The following DGKI variants were observed in gnomAD, a reference collection of about 807,000 sequenced individuals.
DGKI encodes the protein diacylglycerol kinase iota.
A neutral mutation model predicts 147.5 loss-of-function variants in DGKI; 55 were observed. The ratio of observed to expected loss-of-function variants is 0.37; its 90% CI spans 0.30 to 0.47. The LOEUF (loss-of-function observed/expected upper bound fraction) is 0.47, where lower values mean the gene tolerates loss of function less well. Ranked by LOEUF, DGKI falls within the 20% of genes least tolerant of loss-of-function variation. The pLI, the probability that DGKI is intolerant of heterozygous loss-of-function variation, is 1.00. For missense variants in DGKI, 1,007 were observed against 1,323.8 expected, an observed-to-expected ratio of 0.76 and a Z score of 3.71; for synonymous variants, 469 against 477.1, an observed-to-expected ratio of 0.98 and a Z score of 0.22.
intron 21 of DGKI, among the ~76,000 whole-genome samples, chr7:137,521,006 T>C (rs547890413): frequency 6.6e-6 from 1 of 152,194 alleles, no homozygotes; most frequent in Non-Finnish European, 1.5e-5. Context: ...GTCATTTCTT[T>C]ATATCAGCAT....
chr7:137,502,439 C>A (rs1816208586), intron 21 of DGKI, among the ~76,000 whole-genome samples: 1 of 149,228 alleles, frequency 6.7e-6, no homozygotes, highest in Admixed American at 6.7e-5. Flanking sequence ...TATGGATGAA[C>A]ATGAAAATGA....
At chr7:137,540,546 A>T (rs548161546) in intron 20 of DGKI, among the ~76,000 whole-genome samples, 1 of 152,010 alleles carries the variant, frequency 6.6e-6, no homozygotes, top group Non-Finnish European at 1.5e-5. Context: ...TTAGCTAGGC[A>T]TGGTACCATG....
chr7:137,770,825 G>A lies in DGKI; in HGVS notation c.401+75637C>T, dbSNP rs192776525. ...TGGGATTACAGGCGTGAGCCACCGCGCCCGGCCCTCAGTGGGTTTTAATAA... is the reference window on the plus strand; with the variant it reads ...TGGGATTACAGGCGTGAGCCACCGCACCCGGCCCTCAGTGGGTTTTAATAA... On this transcript the variant is annotated intron_variant, in intron 1 of 32. Coordinates refer to ENST00000614521, the MANE Select transcript of DGKI (RefSeq NM_001321708.2). Among the ~76,000 whole-genome samples the A allele has an allele frequency of 1.4e-4, 7 of 48,706 alleles. 2 individuals carry two copies. Among genetic ancestry groups the A allele is most frequent in the Admixed American group, 5.7e-4 (4 of 7,040 alleles). 32.0% of individuals were successfully genotyped at this position (48,706 alleles called of 152,430 possible).
At chr7:137,478,684 C>T (rs1815263899) in intron 23 of DGKI, among the ~76,000 whole-genome samples, 1 of 151,996 alleles carries the variant, frequency 6.6e-6, no homozygotes, top group South Asian at 2.1e-4. Flanking sequence ...GCAATGTGGA[C>T]CGTGAATTAG....
intron 2 of DGKI, among the ~76,000 whole-genome samples, chr7:137,682,104 A>G (rs1414492823): frequency 6.6e-6 from 1 of 152,186 alleles, no homozygotes; most frequent in Non-Finnish European, 1.5e-5. Flanking sequence ...GCTTTCAGGG[A>G]GTTCTATGAG....
intron 28 of DGKI, among the ~76,000 whole-genome samples, chr7:137,442,297 A>G (rs1211315892): frequency 6.6e-6 from 1 of 152,134 alleles, no homozygotes; most frequent in Admixed American, 6.6e-5. Context: ...GTCAGTAGTC[A>G]CCCTTTAGGA....
chr7:137,834,057 A>G (rs551067681), intron 1 of DGKI, among the ~76,000 whole-genome samples: 36 of 152,374 alleles, frequency 2.4e-4, no homozygotes, highest in African/African-American at 8.7e-4. Context: ...AGCTATGGAT[A>G]GTAAAAGCAT....
At chr7:137,549,752 AAACTCC>A (rs1373403958) in intron 20 of DGKI, among the ~76,000 whole-genome samples, 1 of 152,268 alleles carries the variant, frequency 6.6e-6, no homozygotes, top group East Asian at 1.9e-4. Context: ...CTTGAACTTG[AAACTCC>A]ACTTGGAAAT....
At chr7:137,647,576 G>T (rs1821873389) in intron 5 of DGKI, among the ~76,000 whole-genome samples, 2 of 152,186 alleles carry the variant, frequency 1.3e-5, no homozygotes, top group Non-Finnish European at 2.9e-5. Context: ...GGGTCCTGTG[G>T]CTGGCTGTGG....
intron 1 of DGKI, among the ~76,000 whole-genome samples, chr7:137,694,137 C>T (rs1423363987): frequency 4.6e-5 from 7 of 151,914 alleles, no homozygotes; most frequent in South Asian, 2.1e-4. Flanking sequence ...CTGGCTAACA[C>T]GGTGAAACCC....
intron 3 of DGKI, among the ~76,000 whole-genome samples, chr7:137,676,455 T>A (rs1027940476): frequency 2.0e-5 from 3 of 152,168 alleles, no homozygotes; most frequent in African/African-American, 7.2e-5. Context: ...TTTCTATGTA[T>A]CATCTCACCA....
At chr7:137,625,213 A>G (rs1325766018) in intron 6 of DGKI, among the ~76,000 whole-genome samples, 3 of 152,018 alleles carry the variant, frequency 2.0e-5, no homozygotes, top group Non-Finnish European at 2.9e-5. Flanking sequence ...TAATCCCAGC[A>G]CTTTGGGAGG....
In DGKI at chr7:137,382,406, A is replaced by T. The variant is rs1221987773; in HGVS notation, c.*8814T>A. ...GTGGACAGGCATAATGTATTATAAGAGGTTGGACAAACTCCTTCCAAAAAC... is the reference window on the plus strand; with the variant it reads ...GTGGACAGGCATAATGTATTATAAGTGGTTGGACAAACTCCTTCCAAAAAC... On this transcript the variant is annotated 3_prime_UTR_variant, in exon 33 of 33. Coordinates refer to ENST00000614521, the MANE Select transcript of DGKI (RefSeq NM_001321708.2). 1 of 152,046 alleles carries T rather than the reference A, an allele frequency of 6.6e-6. No homozygotes were observed. Among genetic ancestry groups the T allele is most frequent in the Admixed American group, 6.6e-5 (1 of 15,244 alleles). The allele number at this position is 152,046 out of a possible 1,614,324, so 9.4% of individuals were successfully genotyped here.
Position 137,846,542 on chromosome 7 carries a change from C to A in DGKI, c.321G>T (p.Ala107=). 6.5e-7 allele frequency: 1 copy of A among 1,547,618 alleles called. No homozygotes were observed. Among genetic ancestry groups the A allele is most frequent in the Non-Finnish European group, 8.7e-7 (1 of 1,150,640 alleles). The change falls in exon 1 of 33, where the codon GCG becomes GCT. Residue 107 remains alanine (A), a synonymous_variant. Coordinates refer to ENST00000614521, the MANE Select transcript of DGKI (RefSeq NM_001321708.2). This position sits in a 1 kb window ranked among gnomAD's most constrained non-coding sequence, Gnocchi z 4.0. The stretch of plus-strand genomic sequence containing the variant: ...CGTCCTTCTCCTTCTGGCCGGCGGC[C>A]GCGGGCTCGTCCAGGGCAGCGGCCC... The part of the protein sequence containing the change: ...AAGAAALDEP[A]AAGQKEKDEA...
intron 32 of DGKI, 68 bp from the exon 33 acceptor site, chr7:137,391,404 CA>C: frequency 8.8e-7 from 1 of 1,135,116 alleles, no homozygotes. Flanking sequence ...TCGTGAAATA[CA>C]AAAACAAAAA....
At chr7:137,550,104 G>A (rs1013801790) in intron 20 of DGKI, among the ~76,000 whole-genome samples, 1 of 151,764 alleles carries the variant, frequency 6.6e-6, no homozygotes, top group Non-Finnish European at 1.5e-5. Flanking sequence ...CTTGGATGCA[G>A]GCATCACTGC....
rs73729020 is a variant in DGKI, at chr7:137,749,505, C to A, written c.402-59503G>T. 6.7e-3 allele frequency among the ~76,000 whole-genome samples: 1,019 copies of A among 152,276 alleles called. 11 individuals are homozygous for A. Among genetic ancestry groups the A allele is most frequent in the African/African-American group, 0.023 (973 of 41,538 alleles). On this transcript the variant is annotated intron_variant, in intron 1 of 32. Transcript: ENST00000614521. ...CATTCTTGGCTTTTTCTCTCCTCTT[C>A]GCTCTCTGACTTCTTTTTGGCTGCC...
At chr7:137,811,384 T>TCTCACA (rs1380704608) in intron 1 of DGKI, among the ~76,000 whole-genome samples, 8 of 132,114 alleles carry the variant, frequency 6.1e-5, no homozygotes, top group Non-Finnish European at 1.1e-4. Context: ...TCTCTCTCTC[T>TCTCACA]CACACACACA....
intron 23 of DGKI, among the ~76,000 whole-genome samples, chr7:137,474,814 G>A (rs918465310): frequency 1.3e-5 from 2 of 152,176 alleles, no homozygotes; most frequent in Non-Finnish European, 2.9e-5. Flanking sequence ...AGGCTGATGG[G>A]AAGCACACCA....
Sources: gnomAD v4.1 joint callset for allele counts (sites outside exome capture counted in the v4.1 genomes callset) on GRCh38, gnomAD v4.1.1 for gene constraint, Gnocchi (gnomAD v3.1) non-coding constraint, MANE v1.5 for transcripts, NCBI Gene and HGNC (gene_info 2026-07-23, HGNC 2026-07-21) for gene names.